INPP5E: variants seen among roughly 807,000 people sequenced by gnomAD.
INPP5E encodes inositol polyphosphate-5-phosphatase E.
INPP5E carries 34 observed loss-of-function variants against 50.5 expected under a neutral mutation model. That is an observed-to-expected ratio of 0.67 (90% confidence interval 0.51 to 0.90). The LOEUF (loss-of-function observed/expected upper bound fraction) is 0.90, where lower values mean the gene tolerates loss of function less well. Among genes scored for constraint, INPP5E ranks in the 40% least tolerant of loss-of-function variants. INPP5E has a pLI of 0.00. For synonymous variants in INPP5E, 447 were observed against 406.0 expected, an observed-to-expected ratio of 1.10 and a Z score of -1.21; for missense variants, 942 against 905.5, an observed-to-expected ratio of 1.04 and a Z score of -0.52.
intron 8 of INPP5E, 39 bp downstream of exon 8, chr9:136,430,963 C>G (rs1431707489): frequency 7.0e-7 from 1 of 1,423,546 alleles, no homozygotes; most frequent in African/African-American, 1.4e-5. Flanking sequence ...GATGCCTGCC[C>G]TGGAAGCACT....
At chr9:136,433,622 C>T (rs531267677) in intron 3 of INPP5E, among the ~76,000 whole-genome samples, 161 of 152,340 alleles carry the variant, frequency 1.1e-3, no homozygotes, top group Non-Finnish European at 2.1e-3. Context: ...CTGCTGTTCC[C>T]GCCATGACAT....
chr9:136,434,709 T>TACCCCCC, intron 2 of INPP5E, 31 bp downstream of exon 2: 1 of 1,576,262 alleles, frequency 6.3e-7, no homozygotes, highest in Non-Finnish European at 8.6e-7. Flanking sequence ...ACCCCACCCT[T>TACCCCCC]CCCCGCCCAG....
In INPP5E at chr9:136,434,767, C is replaced by T. The variant is rs1835793249; in HGVS notation, c.909G>A (p.Val303=). Reference sequence around the variant, plus strand: ...TCTGGCCCTGCATGTTCCAGGTGGCCACGAAGAGTGCCACGTTCCGGTCTG... The same window carrying T: ...TCTGGCCCTGCATGTTCCAGGTGGCTACGAAGAGTGCCACGTTCCGGTCTG... ...YFPDRNVALF[V]ATWNMQGQKE... Residue 303 remains valine (V), a synonymous_variant, in exon 2 of 10, where the codon GTG becomes GTA. Coordinates refer to ENST00000371712, the MANE Select transcript of INPP5E (RefSeq NM_019892.6). 1 of 1,612,102 alleles carries T rather than the reference C, an allele frequency of 6.2e-7. No homozygotes were observed. Among genetic ancestry groups the T allele is most frequent in the Non-Finnish European group, 8.5e-7 (1 of 1,179,838 alleles).
At chr9:136,434,454 G>GCCCT (rs1259686447) in intron 2 of INPP5E, among the ~76,000 whole-genome samples, 1 of 144,998 alleles carries the variant, frequency 6.9e-6, no homozygotes, top group African/African-American at 2.6e-5. Flanking sequence ...CCCGCTGGCC[G>GCCCT]CCCTCCCGCT....
At chr9:136,432,342 G>A in intron 6 of INPP5E, 137 bp downstream of exon 6, 1 of 710,718 alleles carries the variant, frequency 1.4e-6, no homozygotes, top group Non-Finnish European at 2.5e-6. Context: ...GAGGGGCCAT[G>A]CGCTGGGGGC....
intron 2 of INPP5E, 68 bp downstream of exon 2, chr9:136,434,672 C>G: frequency 6.4e-7 from 1 of 1,551,186 alleles, no homozygotes; most frequent in Non-Finnish European, 8.7e-7. Flanking sequence ...GCTGCCCCGT[C>G]CCCCTCACCC....
rs779450345 is a variant in INPP5E, at chr9:136,438,946, A to AC, written c.473dup (p.Asn159Ter). On this transcript the variant is annotated frameshift_variant, in exon 1 of 10. Transcript: ENST00000371712. LOFTEE classifies it high-confidence loss of function. ...TGCTGGCCACCCCAGAGAGAGGGTT[A>AC]CCCCCCGAGGACGGGCTCCCTCTCT... 2.4e-5 allele frequency: 37 copies of AC among 1,568,444 alleles called. No homozygotes were observed. The highest frequency in any genetic ancestry group is 2.9e-5 in the Non-Finnish European group (34 of 1,157,226).
chr9:136,439,331 G>A lies in INPP5E; in HGVS notation c.89C>T (p.Ala30Val), dbSNP rs1440765888. The A allele has an allele frequency of 5.0e-6, 7 of 1,410,952 alleles. No homozygotes were observed. Among genetic ancestry groups the A allele is most frequent in the Admixed American group, 6.7e-5 (2 of 29,900 alleles). 87.4% of individuals were successfully genotyped at this position (1,410,952 alleles called of 1,614,324 possible). A position where few individuals can be genotyped will look rare whatever the true frequency, so the allele number is the denominator to read the frequency against. The change falls in exon 1 of 10, where the codon GCT (alanine) becomes GTT (valine). Residue 30 changes from alanine (A) to valine (V), a missense_variant. Ala to Val is a moderately conservative substitution (Grantham distance 64). Transcript: ENST00000371712. ...GGACCCCGCGCGCTGGGCCGGCGGA[G>A]CGCCGGGAAGCTGTCCTTGGAGCGT... is the stretch of plus-strand genomic sequence containing the variant. Reference protein sequence around the residue: ...GRTLQGQLPGAPPAQRAGSPP... With the variant: ...GRTLQGQLPGVPPAQRAGSPP...
At chr9:136,432,884 T>C (rs1303760567) in intron 5 of INPP5E, 72 bp downstream of exon 5, 3 of 1,568,208 alleles carry the variant, frequency 1.9e-6, no homozygotes, top group Admixed American at 1.8e-5. Context: ...ACCCCTGCCT[T>C]GGACAGGGTC....
rs1301004362 is a variant in INPP5E, at chr9:136,438,972, C to T, written c.448G>A (p.Glu150Lys). 2 of 1,578,984 alleles carry T rather than the reference C, an allele frequency of 1.3e-6. No individual in the cohort carries two copies. Among genetic ancestry groups the T allele is most frequent in the East Asian group, 2.3e-5 (1 of 43,506 alleles). ...IPKSRGVLSS[E>K]RGSPSSGGNP... ...CCCCCCGAGGACGGGCTCCCTCTCT[C>T]ACTGCTCAGGACCCCGCGGGACTTG... The change falls in exon 1 of 10, where the codon GAG (glutamate) becomes AAG (lysine). Residue 150 changes from glutamate to lysine, a missense_variant. Transcript: ENST00000371712.
Position 136,430,263 on chromosome 9 carries a change from G to A in INPP5E, c.1802+14C>T, listed in dbSNP as rs374679907. The A allele has an allele frequency of 7.1e-6, 11 of 1,551,024 alleles. No individual in the cohort carries two copies. Among genetic ancestry groups the A allele is most frequent in the African/African-American group, 1.4e-5 (1 of 73,044 alleles). On this transcript the variant is annotated intron_variant, in intron 9 of 9. Transcript: ENST00000371712. ...CCCAGGCCCAAGGGGGAAGGTGAGC[G>A]GGAGAACACTGACTTGTCTCGCCCC...
intron 6 of INPP5E, among the ~76,000 whole-genome samples, 176 bp from the exon 7 acceptor site, chr9:136,432,161 C>T (rs1410508905): frequency 6.6e-6 from 1 of 152,184 alleles, no homozygotes; most frequent in African/African-American, 2.4e-5. Flanking sequence ...GCACCTGGAG[C>T]AGCCTCAGGA....
chr9:136,432,105 G>A, intron 6 of INPP5E, 120 bp from the exon 7 acceptor site: 11 of 1,265,510 alleles, frequency 8.7e-6, no homozygotes, highest in Non-Finnish European at 1.2e-5. Context: ...CAGCCGGTGG[G>A]GCCGGGCCCT....
At chr9:136,430,505 C>G in intron 8 of INPP5E, 92 bp from the exon 9 acceptor site, 2 of 1,476,554 alleles carry the variant, frequency 1.4e-6, no homozygotes, top group African/African-American at 1.4e-5. Context: ...TCAAGCGCCC[C>G]CCACAAGGAA....
Position 136,439,199 on chromosome 9 carries a change from G to A in INPP5E, c.221C>T (p.Pro74Leu), listed in dbSNP as rs750213296. ...PARAAPIAPR[P>L]PARPRLERAL... ...TCGCTCCAGTCGAGGCCTGGCGGGG[G>A]GCCGCGGGGCGATGGGTGCTGCTCG... The change falls in exon 1 of 10, where the codon CCC becomes CTC. Residue 74 changes from proline to leucine, a missense_variant. Transcript: ENST00000371712. The A allele has an allele frequency of 5.8e-6, 9 of 1,541,870 alleles. No homozygotes were observed. The South Asian group carries it at 1.1e-4, about 18-fold the overall frequency.
chr9:136,432,017 G>A (rs1835719378), intron 6 of INPP5E, 32 bp from the exon 7 acceptor site: 1 of 1,612,368 alleles, frequency 6.2e-7, no homozygotes, highest in Non-Finnish European at 8.5e-7. Context: ...GTGGGCACAG[G>A]CAGAGGGACG....
chr9:136,433,147 G>GCGCCCACCCCTCTAGCCA lies in INPP5E; in HGVS notation c.1159+7_1159+8insTGGCTAGAGGGGTGGGCG, dbSNP rs71269007. The GCGCCCACCCCTCTAGCCA allele has an allele frequency of 1.0e-3, 1,602 of 1,600,660 alleles. 8 individuals are homozygous for GCGCCCACCCCTCTAGCCA. In the African/African-American group the frequency reaches 0.018, roughly 18 times the overall value. On this transcript the variant is annotated splice_region_variant and intron_variant, in intron 4 of 9. Transcript: ENST00000371712. Reference sequence around the variant, plus strand: ...TCCAGCCGCGCCCACCCCTCCAGCCGCGCCCACCTGAGCAGAACCAGATGA... The same window carrying GCGCCCACCCCTCTAGCCA: ...TCCAGCCGCGCCCACCCCTCCAGCCGCGCCCACCCCTCTAGCCACGCCCACCTGAGCAGAACCAGATGA...
chr9:136,435,458 T>G (rs1269118150), intron 1 of INPP5E: 1 of 153,448 alleles, frequency 6.5e-6, no homozygotes, highest in Non-Finnish European at 1.5e-5. Context: ...GTGATCCTCC[T>G]GCCTCAGCCT....
chr9:136,432,442 C>T lies in INPP5E; in HGVS notation c.1387+37G>A, dbSNP rs377186192. The T allele has an allele frequency of 8.1e-5, 113 of 1,402,474 alleles. 1 individual carries two copies. Among genetic ancestry groups the T allele is most frequent in the African/African-American group, 1.0e-4 (7 of 70,080 alleles). 86.9% of individuals were successfully genotyped at this position (1,402,474 alleles called of 1,614,324 possible). ...ACGACGGGCGCCCGTGTGCGAACCA[C>T]GGCGGCACCACCCACACGCAGCGTG... On this transcript the variant is annotated intron_variant, in intron 6 of 9. Coordinates refer to ENST00000371712, the MANE Select transcript of INPP5E (RefSeq NM_019892.6).
Sources: gnomAD v4.1 joint callset for allele counts (sites outside exome capture counted in the v4.1 genomes callset) on GRCh38, gnomAD v4.1.1 for gene constraint, MANE v1.5 for transcripts, NCBI Gene and HGNC (gene_info 2026-07-23, HGNC 2026-07-21) for gene names.